The following ANGPT1 variants were observed in gnomAD, a reference collection of about 807,000 sequenced individuals.
ANGPT1 encodes angiopoietin-1.
Under a neutral mutation model 62.2 loss-of-function variants are expected in ANGPT1, and 17 were observed. The observed-to-expected ratio is 0.27, with a 90% CI of 0.19 to 0.41. The LOEUF is 0.41. ANGPT1 is among the 10% of genes least tolerant of loss of function. The pLI, the probability that ANGPT1 is intolerant of heterozygous loss-of-function variation, is 1.00. For synonymous variants in ANGPT1, 199 were observed against 198.9 expected (o/e 1.00, Z 0.00); for missense variants, 478 against 594.9 (o/e 0.80, Z 2.04).
intron 6 of ANGPT1, among the ~76,000 whole-genome samples, chr8:107,288,662 C>T (rs1216994460): frequency 6.6e-6 from 1 of 151,964 alleles, no homozygotes; most frequent in Admixed American, 6.6e-5. Context: ...AATAGATATT[C>T]CAAGTGCAAA....
chr8:107,481,215 A>C (rs951377383), intron 1 of ANGPT1, among the ~76,000 whole-genome samples: 4 of 152,082 alleles, frequency 2.6e-5, no homozygotes, highest in African/African-American at 9.7e-5. Context: ...GCTCTTTCTG[A>C]CTTTTTTGTT....
At chr8:107,485,148 G>A (rs1812782001) in intron 1 of ANGPT1, among the ~76,000 whole-genome samples, 4 of 152,154 alleles carry the variant, frequency 2.6e-5, no homozygotes, top group Admixed American at 2.6e-4. Flanking sequence ...GAGCAATACA[G>A]CGTGTGTTGA....
chr8:107,338,478 A>G (rs1815622413), intron 2 of ANGPT1, among the ~76,000 whole-genome samples: 1 of 152,242 alleles, frequency 6.6e-6, no homozygotes, highest in East Asian at 1.9e-4. Context: ...GGGATGGGGC[A>G]GAGAATGGTG....
At chr8:107,347,721 C>T (rs1224724660) in intron 1 of ANGPT1, among the ~76,000 whole-genome samples, 2 of 152,146 alleles carry the variant, frequency 1.3e-5, no homozygotes, top group African/African-American at 4.8e-5. Flanking sequence ...ATGAAATGAG[C>T]TGCAAAGCCT....
At chr8:107,270,493 C>T (rs1406566260) in intron 7 of ANGPT1, among the ~76,000 whole-genome samples, 2 of 151,994 alleles carry the variant, frequency 1.3e-5, no homozygotes, top group East Asian at 3.9e-4. Flanking sequence ...ACAAGAGTTT[C>T]CTGATGTGGC....
At chr8:107,432,057 C>T (rs1427079449) in intron 1 of ANGPT1, among the ~76,000 whole-genome samples, 1 of 151,398 alleles carries the variant, frequency 6.6e-6, no homozygotes, top group African/African-American at 2.4e-5. Flanking sequence ...CAATTAATAC[C>T]ATCATAAAAT....
chr8:107,340,165 A>G (rs879504484), intron 2 of ANGPT1, among the ~76,000 whole-genome samples: 1 of 152,214 alleles, frequency 6.6e-6, no homozygotes, highest in Admixed American at 6.5e-5. Flanking sequence ...TTAAAATGAC[A>G]AAAGACATTT....
Position 107,321,987 on chromosome 8 carries a change from T to A in ANGPT1, c.717A>T (p.Arg239Ser). The change falls in exon 4 of 9, where the codon AGA (arginine) becomes AGT (serine). Residue 239 changes from arginine (R) to serine (S), a missense_variant. Transcript: ENST00000517746. ...GAAGGACACTGTTGTTGGTGGTAGC[T>A]CTGTTTAATTGCTTTTCCAGCTCCT... is the stretch of plus-strand genomic sequence containing the variant. The part of the protein sequence containing the change: ...IIQELEKQLN[R>S]ATTNNSVLQK... The A allele has an allele frequency of 1.2e-6, 2 of 1,614,034 alleles. No individual in the cohort carries two copies. Among genetic ancestry groups the A allele is most frequent in the Non-Finnish European group, 1.7e-6 (2 of 1,179,920 alleles).
At chr8:107,481,317 G>A (rs914735454) in intron 1 of ANGPT1, among the ~76,000 whole-genome samples, 4 of 151,692 alleles carry the variant, frequency 2.6e-5, no homozygotes, top group Non-Finnish European at 5.9e-5. Flanking sequence ...GGTGGATCAC[G>A]AGGTCAAGAG....
chr8:107,469,940 G>A (rs566690894), intron 1 of ANGPT1, among the ~76,000 whole-genome samples: 1 of 152,058 alleles, frequency 6.6e-6, no homozygotes, highest in Non-Finnish European at 1.5e-5. Context: ...ATAACGTGAT[G>A]CAGATTTTGC....
intron 1 of ANGPT1, among the ~76,000 whole-genome samples, chr8:107,461,757 A>G (rs1812077878): frequency 1.3e-5 from 2 of 152,112 alleles, no homozygotes; most frequent in Non-Finnish European, 2.9e-5. Context: ...GAATAGTTCT[A>G]TTTTAATAAA....
At chr8:107,279,964 A>G (rs970260677) in intron 7 of ANGPT1, among the ~76,000 whole-genome samples, 1 of 151,638 alleles carries the variant, frequency 6.6e-6, no homozygotes, top group African/African-American at 2.4e-5. Flanking sequence ...GAGAAGGGAG[A>G]GGTCCCAGGA....
rs1427335908 is a variant in ANGPT1, at chr8:107,368,324, A to G, written c.298-21227T>C. On this transcript the variant is annotated intron_variant, in intron 1 of 8. Coordinates refer to ENST00000517746, the MANE Select transcript of ANGPT1 (RefSeq NM_001146.5). The stretch of plus-strand genomic sequence containing the variant: ...TAAGTCTCAAAAGTGGGCTTAAAAT[A>G]TTCATCATGCCATGCTGTAAACAGA... 5.9e-5 allele frequency among the ~76,000 whole-genome samples: 9 copies of G among 152,062 alleles called. No individual in the cohort carries two copies. The South Asian group carries it at 1.9e-3, about 32-fold the overall frequency.
At chr8:107,307,684 T>G (rs375865773) in intron 4 of ANGPT1, among the ~76,000 whole-genome samples, 5 of 152,144 alleles carry the variant, frequency 3.3e-5, no homozygotes, top group Non-Finnish European at 5.9e-5. Flanking sequence ...ATATAGATGT[T>G]CACTAAGTTT....
intron 8 of ANGPT1, among the ~76,000 whole-genome samples, chr8:107,254,148 A>C (rs144924927): frequency 1.3e-5 from 2 of 150,948 alleles, no homozygotes; most frequent in Non-Finnish European, 3.0e-5. Flanking sequence ...TAACTGATTG[A>C]CTCTCTGATT....
At chr8:107,313,439 T>TG (rs1814928747) in intron 4 of ANGPT1, among the ~76,000 whole-genome samples, 1 of 124,468 alleles carries the variant, frequency 8.0e-6, no homozygotes, top group Non-Finnish European at 1.7e-5. Context: ...GTTTTTTTTT[T>TG]TTTTTTTTTT....
intron 1 of ANGPT1, among the ~76,000 whole-genome samples, chr8:107,407,053 T>C (rs1817163467): frequency 6.6e-6 from 1 of 152,190 alleles, no homozygotes; most frequent in South Asian, 2.1e-4. Context: ...TGTTCATTCT[T>C]AGACCTTGGA....
intron 1 of ANGPT1, among the ~76,000 whole-genome samples, chr8:107,496,565 G>T (rs1813103408): frequency 6.6e-6 from 1 of 152,188 alleles, no homozygotes; most frequent in Non-Finnish European, 1.5e-5. Flanking sequence ...ATCTGCAGGT[G>T]CATGTCTTCC....
intron 6 of ANGPT1, among the ~76,000 whole-genome samples, chr8:107,285,916 C>A (rs1252694143): frequency 6.6e-6 from 1 of 151,956 alleles, no homozygotes; most frequent in Non-Finnish European, 1.5e-5. Flanking sequence ...AGCTGACATG[C>A]ACTGAGCATT....
Sources: gnomAD v4.1 joint callset for allele counts (sites outside exome capture counted in the v4.1 genomes callset) on GRCh38, gnomAD v4.1.1 for gene constraint, MANE v1.5 for transcripts, NCBI Gene and HGNC (gene_info 2026-07-23, HGNC 2026-07-21) for gene names.